ACTR3: variants seen among roughly 807,000 people sequenced by gnomAD.
ACTR3 encodes actin related protein 3.
ACTR3 carries 12 observed loss-of-function variants against 56.8 expected under a neutral mutation model. The observed-to-expected ratio is 0.21, with a 90% confidence interval of 0.14 to 0.34. The LOEUF is 0.34. Ranked by LOEUF, ACTR3 falls within the 10% of genes least tolerant of loss-of-function variation. ACTR3 has a pLI of 1.00. For missense variants in ACTR3, 282 were observed against 512.5 expected (o/e 0.55, Z 4.34); for synonymous variants, 162 against 167.4 (o/e 0.97, Z 0.25).
intron 9 of ACTR3, 37 bp from the exon 10 acceptor site, chr2:113,951,683 C>G (rs775765645): frequency 6.7e-7 from 1 of 1,497,588 alleles, no homozygotes; most frequent in Admixed American, 2.0e-5. Flanking sequence ...TTAAACTTTT[C>G]TCTTTTTAAA....
In ACTR3 at chr2:113,914,629, AAAAAG is replaced by A. The variant is rs1407465079; in HGVS notation, c.100+1406_100+1410del. On this transcript the variant is annotated intron_variant, in intron 2 of 11. Transcript: ENST00000263238. The stretch of plus-strand genomic sequence containing the variant: ...GACTCAGTCTCAAAAAAAAAAAAAA[AAAAAG>A]AAAGAAAAAGAAAAGAAATACACTT... Among the ~76,000 whole-genome samples, 790 of 151,090 alleles carry A rather than the reference AAAAAG, an allele frequency of 5.2e-3. 5 individuals carry two copies. Among genetic ancestry groups the A allele is most frequent in the African/African-American group, 0.018 (739 of 40,964 alleles).
chr2:113,933,547 T>A (rs751250940), intron 5 of ACTR3, among the ~76,000 whole-genome samples: 1 of 152,092 alleles, frequency 6.6e-6, no homozygotes, highest in South Asian at 2.1e-4. Flanking sequence ...TTAGTAATAG[T>A]TGTTTATAGC....
At position 113,909,609 on chromosome 2, in the gene ACTR3, G is replaced by T. The variant is rs200980872; in HGVS notation, c.45-3563G>T. Among the ~76,000 whole-genome samples the T allele has an allele frequency of 7.7e-3, 962 of 125,058 alleles. 12 individuals are homozygous for T. The highest frequency in any genetic ancestry group is 0.045 in the East Asian group (155 of 3,416). The allele number at this position is 125,058 out of a possible 152,430, so 82.0% of individuals were successfully genotyped here. A position where few individuals can be genotyped will look rare whatever the true frequency, so the allele number is the denominator to read the frequency against. Reference sequence around the variant, plus strand: ...TTTAAGTTGTGATAAAAGTTTTTTTGTTGTTGTTGTTGTTTTTTTTTTTTT... The same window carrying T: ...TTTAAGTTGTGATAAAAGTTTTTTTTTTGTTGTTGTTGTTTTTTTTTTTTT... On this transcript the variant is annotated intron_variant, in intron 1 of 11. Coordinates refer to ENST00000263238, the MANE Select transcript of ACTR3 (RefSeq NM_005721.5).
rs186634362 is a variant in ACTR3 at position 113,930,001 on chromosome 2, G to A, written c.337-1300G>A. ...TAGCTTGTCAGTCTTTAAAATTTTAGCCGTTCTGGTGGGTGTGTACGATTT... is the reference window on the plus strand; with the variant it reads ...TAGCTTGTCAGTCTTTAAAATTTTAACCGTTCTGGTGGGTGTGTACGATTT... On this transcript the variant is annotated intron_variant, in intron 4 of 11. Transcript: ENST00000263238. Among the ~76,000 whole-genome samples the A allele has an allele frequency of 3.0e-4, 45 of 152,176 alleles. 1 individual carries two copies. The East Asian group carries it at 6.2e-3, about 21-fold the overall frequency.
chr2:113,917,058 C>A, intron 3 of ACTR3, 50 bp downstream of exon 3: 1 of 1,499,744 alleles, frequency 6.7e-7, no homozygotes, highest in Non-Finnish European at 9.0e-7. Context: ...ATAGTTTGTT[C>A]GATGCTTGTG....
chr2:113,943,661 T>C (rs975073387), intron 8 of ACTR3, among the ~76,000 whole-genome samples: 1 of 152,126 alleles, frequency 6.6e-6, no homozygotes, highest in Non-Finnish European at 1.5e-5. Flanking sequence ...CAGTAATTGC[T>C]TAGATATGAG....
At chr2:113,945,880 T>C (rs956190204) in intron 8 of ACTR3, among the ~76,000 whole-genome samples, 1 of 152,216 alleles carries the variant, frequency 6.6e-6, no homozygotes, top group African/African-American at 2.4e-5. Flanking sequence ...CACTTAAAAG[T>C]GAGAACATGC....
intron 10 of ACTR3, 131 bp from the exon 11 acceptor site, chr2:113,955,491 GT>G: frequency 4.7e-6 from 3 of 631,932 alleles, no homozygotes; most frequent in Non-Finnish European, 8.0e-6. Flanking sequence ...AATCTCAATT[GT>G]TTCTGGTTTG....
At chr2:113,932,423 T>G (rs1482854378) in intron 5 of ACTR3, among the ~76,000 whole-genome samples, 1 of 152,192 alleles carries the variant, frequency 6.6e-6, no homozygotes. Flanking sequence ...AATAAACTTA[T>G]GTTTAACCAT....
chr2:113,902,184 CT>C lies in ACTR3; in HGVS notation c.45-10980del, dbSNP rs1030796722. Among the ~76,000 whole-genome samples, 6 of 151,816 alleles carry C rather than the reference CT, an allele frequency of 4.0e-5. No individual in the cohort carries two copies. The South Asian group carries it at 8.3e-4, about 21-fold the overall frequency. ...GCAGTTACTGTTGTGACAGACTCGC[CT>C]TTTTTTTGGTATAAAACTCATCTTT... On this transcript the variant is annotated intron_variant, in intron 1 of 11. Transcript: ENST00000263238.
intron 8 of ACTR3, among the ~76,000 whole-genome samples, chr2:113,945,078 A>C (rs1220677632): frequency 6.6e-6 from 1 of 152,206 alleles, no homozygotes; most frequent in Non-Finnish European, 1.5e-5. Flanking sequence ...GAAATGACAC[A>C]TAATAATTGT....
intron 3 of ACTR3, among the ~76,000 whole-genome samples, chr2:113,923,326 GTTTGTT>G (rs1679545902): frequency 1.9e-5 from 1 of 51,562 alleles, no homozygotes; most frequent in Non-Finnish European, 1.1e-4. Flanking sequence ...ATATTTGTTT[GTTTGTT>G]TGTTTGTTTG....
intron 3 of ACTR3, among the ~76,000 whole-genome samples, chr2:113,926,332 A>G (rs1257588949): frequency 6.6e-6 from 1 of 152,190 alleles, no homozygotes; most frequent in Non-Finnish European, 1.5e-5. Context: ...GCAGTGTCCA[A>G]CTGATGTTGA....
rs1298220885 is a variant in ACTR3, at chr2:113,960,070, A to C, written c.*2615A>C. 1 of 152,058 alleles carries C rather than the reference A, an allele frequency of 6.6e-6. No homozygotes were observed. Among genetic ancestry groups the C allele is most frequent in the Non-Finnish European group, 1.5e-5 (1 of 67,912 alleles). 9.4% of individuals were successfully genotyped at this position (152,058 alleles called of 1,614,324 possible). ...AGCAGTGTAGTAGATTCTGACTGCAAAACCTAGCCTTTTCTATTGATTCAT... is the reference window on the plus strand; with the variant it reads ...AGCAGTGTAGTAGATTCTGACTGCACAACCTAGCCTTTTCTATTGATTCAT... On this transcript the variant is annotated 3_prime_UTR_variant, in exon 12 of 12. Transcript: ENST00000263238.
At chr2:113,934,412 C>A in intron 6 of ACTR3, 26 bp downstream of exon 6, 1 of 1,401,834 alleles carries the variant, frequency 7.1e-7, no homozygotes, top group Non-Finnish European at 9.8e-7. Flanking sequence ...AGTTACTGAA[C>A]AGAACATGAA....
chr2:113,958,346 C>T lies in ACTR3; in HGVS notation c.*891C>T, dbSNP rs566728596. The stretch of plus-strand genomic sequence containing the variant: ...CTGCAATAGTTCTTTAAAATCACAA[C>T]AGTTAGCAAGCTGACTTTTGTAATG... On this transcript the variant is annotated 3_prime_UTR_variant, in exon 12 of 12. Transcript: ENST00000263238. 1 of 152,542 alleles carries T rather than the reference C, an allele frequency of 6.6e-6. No homozygotes were observed. Among genetic ancestry groups the T allele is most frequent in the Non-Finnish European group, 1.5e-5 (1 of 67,970 alleles). The allele number at this position is 152,542 out of a possible 1,614,324, so 9.4% of individuals were successfully genotyped here.
At chr2:113,903,786 G>A (rs955017281) in intron 1 of ACTR3, among the ~76,000 whole-genome samples, 22 of 149,558 alleles carry the variant, frequency 1.5e-4, no homozygotes, top group Non-Finnish European at 2.4e-4. Flanking sequence ...GAGCCACCCC[G>A]TCTGGCCTGT....
chr2:113,893,691 G>A (rs1343701971), intron 1 of ACTR3, among the ~76,000 whole-genome samples: 1 of 152,112 alleles, frequency 6.6e-6, no homozygotes, highest in Non-Finnish European at 1.5e-5. Context: ...TCGTAGCTTG[G>A]TTACAGAGCT....
At position 113,957,573 on chromosome 2, in the gene ACTR3, A is replaced by G; in HGVS notation, c.*118A>G. 1.4e-6 allele frequency: 1 copy of G among 690,900 alleles called. No homozygotes were observed. The highest frequency in any genetic ancestry group is 2.6e-6 in the Non-Finnish European group (1 of 388,252). 42.8% of individuals were successfully genotyped at this position (690,900 alleles called of 1,614,324 possible). A position where few individuals can be genotyped will look rare whatever the true frequency, so the allele number is the denominator to read the frequency against. On this transcript the variant is annotated 3_prime_UTR_variant, in exon 12 of 12. Coordinates refer to ENST00000263238, the MANE Select transcript of ACTR3 (RefSeq NM_005721.5). Reference sequence around the variant, plus strand: ...AAACCTGACTTGAAATAGTAACACCAAACATGATTATACAGGAATATTTTA... The same window carrying G: ...AAACCTGACTTGAAATAGTAACACCGAACATGATTATACAGGAATATTTTA...
Sources: gnomAD v4.1 joint callset for allele counts (sites outside exome capture counted in the v4.1 genomes callset) on GRCh38, gnomAD v4.1.1 for gene constraint, MANE v1.5 for transcripts, NCBI Gene and HGNC (gene_info 2026-07-23, HGNC 2026-07-21) for gene names.